Variants in MID1 observed in about 807,000 individuals in gnomAD.
The protein encoded by MID1 is E3 ubiquitin-protein ligase Midline-1.
Under a neutral mutation model 40.4 loss-of-function variants are expected in MID1, and 7 were observed. The observed-to-expected ratio is 0.17, with a 90% CI of 0.10 to 0.33. MID1 has a LOEUF of 0.33. MID1 is among the 10% of genes least tolerant of loss of function. The pLI is 1.00. For missense variants in MID1, 367 were observed against 558.5 expected, an observed-to-expected ratio of 0.66 and a Z score of 3.46; for synonymous variants, 229 against 221.2, an observed-to-expected ratio of 1.04 and a Z score of -0.31.
intron 1 of MID1, among the ~76,000 whole-genome samples, chrX:10,808,929 G>C (rs1405063857): frequency 2.7e-5 from 3 of 111,757 alleles, no homozygotes; most frequent in Admixed American, 1.9e-4. Context: ...TGACAAATGG[G>C]ATCTAATTAA....
chrX:10,556,708 T>C (rs934004450), intron 2 of MID1, among the ~76,000 whole-genome samples: 2 of 112,343 alleles, frequency 1.8e-5, no homozygotes, highest in African/African-American at 6.5e-5. Flanking sequence ...TGATGCGACA[T>C]GCAAAATGTG....
intron 1 of MID1, among the ~76,000 whole-genome samples, chrX:10,811,930 C>G (rs1035637765): frequency 2.7e-5 from 3 of 111,792 alleles, no homozygotes; most frequent in Non-Finnish European, 1.9e-5. Flanking sequence ...GGCAAAATGT[C>G]CATTCTTTTG....
At chrX:10,559,695 T>A (rs1432531822) in intron 2 of MID1, among the ~76,000 whole-genome samples, 1 of 111,460 alleles carries the variant, frequency 9.0e-6, no homozygotes, top group Non-Finnish European at 1.9e-5. Flanking sequence ...GTCAGTACCT[T>A]TGCTTTGGGC....
At chrX:10,697,255 G>T (rs890137408) in intron 1 of MID1, among the ~76,000 whole-genome samples, 1 of 111,615 alleles carries the variant, frequency 9.0e-6, no homozygotes, top group Non-Finnish European at 1.9e-5. Context: ...TTCTACAAAA[G>T]GACACCACTG....
At chrX:10,729,738 C>T (rs1476093539) in intron 1 of MID1, among the ~76,000 whole-genome samples, 1 of 112,001 alleles carries the variant, frequency 8.9e-6, no homozygotes, top group East Asian at 2.8e-4. Context: ...TAGAGTAGGA[C>T]TTCTTTCATT....
In MID1 at chrX:10,823,419, G is replaced by A. The variant is rs918238738; in HGVS notation, c.-187+10135C>T. On this transcript the variant is annotated intron_variant, in intron 1 of 10. Transcript: ENST00000380785. ...TTGATCTGTGTAGCAAACCATCACG[G>A]CACATGTTTACCTATGTAACAAATC... Among the ~76,000 whole-genome samples the A allele has an allele frequency of 8.1e-5, 9 of 111,140 alleles. No homozygotes were observed. The East Asian group carries it at 8.5e-4, about 10-fold the overall frequency.
At chrX:10,601,893 T>C (rs913140743) in intron 1 of MID1, among the ~76,000 whole-genome samples, 7 of 105,957 alleles carry the variant, frequency 6.6e-5, no homozygotes, top group Non-Finnish European at 1.2e-4. Flanking sequence ...GTTTTTGTTT[T>C]TGTTTTTGTT....
intron 1 of MID1, among the ~76,000 whole-genome samples, chrX:10,592,146 G>GGTGTGT (rs61450722): frequency 7.8e-4 from 80 of 102,331 alleles, no homozygotes; most frequent in African/African-American, 2.5e-3. Flanking sequence ...AATGGCTTGT[G>GGTGTGT]GTGTGTGTGT....
chrX:10,704,739 T>TATATACACACACAC (rs1233692170), intron 1 of MID1, among the ~76,000 whole-genome samples: 1 of 82,207 alleles, frequency 1.2e-5, no homozygotes, highest in African/African-American at 5.3e-5. Flanking sequence ...TATATATATA[T>TATATACACACACAC]ACACACACAC....
chrX:10,465,216 C>CATACAT (rs1569272262), intron 7 of MID1, among the ~76,000 whole-genome samples: 1 of 41,241 alleles, frequency 2.4e-5, no homozygotes, highest in African/African-American at 9.7e-5. Context: ...TATATATATA[C>CATACAT]ACACACACAC....
chrX:10,648,180 A>C (rs1481710591), intron 1 of MID1, among the ~76,000 whole-genome samples: 1 of 112,185 alleles, frequency 8.9e-6, no homozygotes, highest in African/African-American at 3.2e-5. Context: ...TGGTGTTGTT[A>C]CAATGCCCCA....
chrX:10,592,842 A>T (rs1287663982), intron 1 of MID1, among the ~76,000 whole-genome samples: 1 of 111,974 alleles, frequency 8.9e-6, no homozygotes, highest in Non-Finnish European at 1.9e-5. Flanking sequence ...TAATTGAAAC[A>T]TTTCTACAAT....
At chrX:10,654,108 T>C (rs183318717) in intron 1 of MID1, among the ~76,000 whole-genome samples, 13 of 111,935 alleles carry the variant, frequency 1.2e-4, no homozygotes, top group African/African-American at 3.6e-4. Flanking sequence ...GAATTCCAGC[T>C]GGGTCAACTG....
intron 4 of MID1, among the ~76,000 whole-genome samples, chrX:10,491,156 C>G (rs1196903848): frequency 8.9e-6 from 1 of 111,796 alleles, no homozygotes; most frequent in African/African-American, 3.2e-5. Flanking sequence ...AGACCACATA[C>G]TGTCTCTGTC....
At chrX:10,640,187 AGC>A (rs1936173120) in intron 1 of MID1, among the ~76,000 whole-genome samples, 2 of 111,552 alleles carry the variant, frequency 1.8e-5, no homozygotes, top group Admixed American at 1.9e-4. Flanking sequence ...AATGTAAATG[AGC>A]TAAATGCTCC....
chrX:10,647,825 A>G (rs1936277638), intron 1 of MID1, among the ~76,000 whole-genome samples: 2 of 111,956 alleles, frequency 1.8e-5, no homozygotes, highest in African/African-American at 3.2e-5. Context: ...GAAGAGCAGA[A>G]CTACCACAAA....
rs1348358056 is a variant in MID1 at position 10,445,584 on chromosome X, T to C, written c.*3784A>G. 1 of 111,851 alleles carries C rather than the reference T, an allele frequency of 8.9e-6. No homozygotes were observed. The highest frequency in any genetic ancestry group is 1.9e-5 in the Non-Finnish European group (1 of 53,178). The allele number at this position is 111,851 out of a possible 1,213,427, so 9.2% of individuals were successfully genotyped here. A position where few individuals can be genotyped will look rare whatever the true frequency, so the allele number is the denominator to read the frequency against. On this transcript the variant is annotated 3_prime_UTR_variant, in exon 10 of 10. Transcript: ENST00000317552. ...TGGTGCCACAAAAATGATTTTATTT[T>C]GAACCAGAAAGGAACAGCAATCAAG...
intron 1 of MID1, among the ~76,000 whole-genome samples, chrX:10,653,632 T>C (rs1191194239): frequency 8.9e-6 from 1 of 112,870 alleles, no homozygotes; most frequent in Non-Finnish European, 1.9e-5. Context: ...AAGGAAAACA[T>C]TGCTTTTCTA....
At chrX:10,633,472 A>C (rs2147557510) in intron 1 of MID1, among the ~76,000 whole-genome samples, 1 of 110,370 alleles carries the variant, frequency 9.1e-6, no homozygotes, top group Admixed American at 9.7e-5. Flanking sequence ...TTTTGAGACA[A>C]GGTCTCTCTC....
Sources: gnomAD v4.1 joint callset for allele counts (sites outside exome capture counted in the v4.1 genomes callset) on GRCh38, gnomAD v4.1.1 for gene constraint, MANE v1.5 for transcripts, NCBI Gene and HGNC (gene_info 2026-07-23, HGNC 2026-07-21) for gene names.